Variants in DGKB observed in about 807,000 individuals in gnomAD.
The protein encoded by DGKB is 90 kDa diacylglycerol kinase.
DGKB carries 67 observed loss-of-function variants against 114.3 expected under a neutral mutation model. That is an observed-to-expected ratio of 0.59 (90% CI 0.48 to 0.72). The LOEUF (loss-of-function observed/expected upper bound fraction) is 0.72. DGKB is among the 30% of genes least tolerant of loss of function. The pLI is 0.00. For missense variants in DGKB, 907 were observed against 975.2 expected (o/e 0.93, Z 0.93); for synonymous variants, 398 against 323.1 (o/e 1.23, Z -2.49).
intron 21 of DGKB, among the ~76,000 whole-genome samples, chr7:14,383,789 T>C (rs112070575): frequency 3.9e-5 from 6 of 152,244 alleles, no homozygotes; most frequent in African/African-American, 1.4e-4. Context: ...CAGAAGAGGC[T>C]GGAAGGTGTT....
chr7:14,770,317 C>T (rs547914446), intron 2 of DGKB, among the ~76,000 whole-genome samples: 57 of 152,136 alleles, frequency 3.7e-4, no homozygotes, highest in African/African-American at 1.3e-3. Flanking sequence ...AGGCTTCATA[C>T]TGTGGTATAG....
At chr7:14,512,048 G>T (rs1445414682) in intron 20 of DGKB, among the ~76,000 whole-genome samples, 1 of 135,534 alleles carries the variant, frequency 7.4e-6, no homozygotes, top group Non-Finnish European at 1.6e-5. Context: ...AATATTGCAA[G>T]AATTACCAAA....
intron 2 of DGKB, among the ~76,000 whole-genome samples, chr7:14,762,543 G>A (rs1048397247): frequency 1.3e-5 from 2 of 152,048 alleles, no homozygotes; most frequent in Admixed American, 6.6e-5. Flanking sequence ...ATTTGGTAAC[G>A]TTTAGAAAAT....
chr7:14,748,448 C>A (rs1833673500), intron 4 of DGKB, among the ~76,000 whole-genome samples: 1 of 152,132 alleles, frequency 6.6e-6, no homozygotes, highest in Non-Finnish European at 1.5e-5. Context: ...TTGGAGAAAG[C>A]ACATTTCAGG....
In DGKB at chr7:14,480,347, T is replaced by C. The variant is rs889474574; in HGVS notation, c.1771-2122A>G. Among the ~76,000 whole-genome samples the C allele has an allele frequency of 3.9e-4, 60 of 152,238 alleles. 1 individual carries two copies. The highest frequency in any genetic ancestry group is 1.3e-3 in the African/African-American group (54 of 41,570). On this transcript the variant is annotated intron_variant, in intron 20 of 25. Transcript: ENST00000402815. The stretch of plus-strand genomic sequence containing the variant: ...CAAACACTAGCAGGTCTTTTCCTTG[T>C]GTTGAATAGGTTCCACCATAAAAAG...
intron 23 of DGKB, chr7:14,269,197 A>G (rs1055775020): frequency 6.6e-6 from 1 of 152,224 alleles, no homozygotes; most frequent in African/African-American, 2.4e-5. Context: ...CTTTACCCAG[A>G]GTGCACAGTT....
In DGKB at chr7:14,758,932, GATAC is replaced by G. The variant is rs1177869547; in HGVS notation, c.71-1205_71-1202del. ...AGATAGATAGATAGATAGATAGATA[GATAC>G]ATAGATAGATAGAGTTTCGCTCTTG... On this transcript the variant is annotated intron_variant, in intron 2 of 25. Transcript: ENST00000402815. 2.9e-3 allele frequency among the ~76,000 whole-genome samples: 416 copies of G among 142,096 alleles called. 5 individuals carry two copies. Among genetic ancestry groups the G allele is most frequent in the African/African-American group, 0.011 (385 of 36,540 alleles). 93.2% of individuals were successfully genotyped at this position (142,096 alleles called of 152,430 possible). A position where few individuals can be genotyped will look rare whatever the true frequency, so the allele number is the denominator to read the frequency against.
chr7:14,455,197 C>G (rs1832097585), intron 21 of DGKB, among the ~76,000 whole-genome samples: 1 of 152,008 alleles, frequency 6.6e-6, no homozygotes, highest in Non-Finnish European at 1.5e-5. Flanking sequence ...TTAAAAATCA[C>G]AGACATAACT....
chr7:14,518,433 A>G (rs1035099225), intron 20 of DGKB, among the ~76,000 whole-genome samples: 1 of 151,930 alleles, frequency 6.6e-6, no homozygotes, highest in African/African-American at 2.4e-5. Context: ...TAATTTACCT[A>G]TATAGCAAAC....
chr7:14,932,864 A>T (rs1304456190), intron 1 of DGKB, among the ~76,000 whole-genome samples: 2 of 152,156 alleles, frequency 1.3e-5, no homozygotes, highest in African/African-American at 4.8e-5. Context: ...TGGGGGAAAA[A>T]AGAGGCAGTG....
chr7:14,299,903 A>T (rs1803225770), intron 23 of DGKB, among the ~76,000 whole-genome samples: 1 of 151,388 alleles, frequency 6.6e-6, no homozygotes. Context: ...CTTTAAAGTA[A>T]AGCAAAACAC....
chr7:14,796,174 G>A (rs1343706369), intron 2 of DGKB, among the ~76,000 whole-genome samples: 1 of 152,168 alleles, frequency 6.6e-6, no homozygotes, highest in African/African-American at 2.4e-5. Context: ...TTTACAAACA[G>A]ATAACTTGCT....
chr7:14,717,014 G>A (rs936695325), intron 6 of DGKB, among the ~76,000 whole-genome samples: 12 of 151,336 alleles, frequency 7.9e-5, no homozygotes, highest in African/African-American at 2.9e-4. Flanking sequence ...AAAAAACAGA[G>A]AGAAGGGGGT....
chr7:14,609,245 C>A (rs1301921985), intron 16 of DGKB, among the ~76,000 whole-genome samples: 1 of 151,954 alleles, frequency 6.6e-6, no homozygotes, highest in Admixed American at 6.6e-5. Context: ...AAGCTGCAAA[C>A]CTTCATCTGA....
intron 21 of DGKB, among the ~76,000 whole-genome samples, chr7:14,444,570 T>A (rs1019036516): frequency 6.6e-6 from 1 of 151,846 alleles, no homozygotes; most frequent in East Asian, 1.9e-4. Context: ...GGATAGTAAA[T>A]TGGTAGCATT....
chr7:14,892,645 A>C (rs1396895345), intron 1 of DGKB, among the ~76,000 whole-genome samples: 1 of 151,226 alleles, frequency 6.6e-6, no homozygotes, highest in Non-Finnish European at 1.5e-5. Context: ...ATCATAGTAC[A>C]TGACTCTGGT....
chr7:14,769,054 TAA>T (rs1327537850), intron 2 of DGKB, among the ~76,000 whole-genome samples: 1 of 140,208 alleles, frequency 7.1e-6, no homozygotes, highest in Non-Finnish European at 1.5e-5. Context: ...CTACACTGTG[TAA>T]ACATTTTTAA....
intron 20 of DGKB, among the ~76,000 whole-genome samples, chr7:14,485,275 T>C (rs917109073): frequency 4.6e-5 from 7 of 150,734 alleles, no homozygotes. Context: ...TTGCATTTTT[T>C]GTCTTTTAGA....
chr7:14,549,953 C>A (rs117238295), intron 20 of DGKB, among the ~76,000 whole-genome samples: 2,576 of 151,754 alleles, frequency 0.017, 32 homozygotes, highest in Middle Eastern at 0.027. Context: ...CACGCCACTG[C>A]ACTCTAGCCT....
Sources: gnomAD v4.1 joint callset for allele counts (sites outside exome capture counted in the v4.1 genomes callset) on GRCh38, gnomAD v4.1.1 for gene constraint, MANE v1.5 for transcripts, NCBI Gene and HGNC (gene_info 2026-07-23, HGNC 2026-07-21) for gene names.